The following NECAB1 variants were observed in gnomAD, a reference collection of about 807,000 sequenced individuals.
NECAB1 encodes the protein N-terminal EF-hand calcium binding protein 1.
NECAB1 carries 29 observed loss-of-function variants against 57.5 expected under a neutral mutation model. The observed-to-expected ratio is 0.50, with a 90% CI of 0.38 to 0.69. The LOEUF is 0.69. Ranked by LOEUF, NECAB1 falls within the 30% of genes least tolerant of loss-of-function variation. NECAB1 has a pLI of 0.00. For missense variants in NECAB1, 372 were observed against 413.8 expected (o/e 0.90, Z 0.88); for synonymous variants, 142 against 147.7 (o/e 0.96, Z 0.28).
At chr8:90,885,190 C>A (rs139438909) in intron 5 of NECAB1, among the ~76,000 whole-genome samples, 3 of 152,200 alleles carry the variant, frequency 2.0e-5, no homozygotes, top group Non-Finnish European at 4.4e-5. Context: ...CACACAGTGG[C>A]GTAGATGAGT....
chr8:90,792,902 C>T (rs1811599150), intron 1 of NECAB1, among the ~76,000 whole-genome samples: 1 of 152,134 alleles, frequency 6.6e-6, no homozygotes, highest in Non-Finnish European at 1.5e-5. Flanking sequence ...CAGGCTCTCC[C>T]AGCCCCTCAG....
intron 1 of NECAB1, among the ~76,000 whole-genome samples, chr8:90,796,056 C>T (rs1250202137): frequency 1.3e-5 from 2 of 152,070 alleles, no homozygotes; most frequent in Non-Finnish European, 2.9e-5. Context: ...ATTGTTTTCC[C>T]ACACTGGGCC....
chr8:90,956,045 A>T lies in NECAB1; in HGVS notation c.*533A>T, dbSNP rs1164286600. 1 of 152,176 alleles carries T rather than the reference A, an allele frequency of 6.6e-6. No homozygotes were observed. Among genetic ancestry groups the T allele is most frequent in the Non-Finnish European group, 1.5e-5 (1 of 68,018 alleles). 9.4% of individuals were successfully genotyped at this position (152,176 alleles called of 1,614,324 possible). On this transcript the variant is annotated 3_prime_UTR_variant, in exon 13 of 13. Coordinates refer to ENST00000417640, the MANE Select transcript of NECAB1 (RefSeq NM_022351.5). ...CTATCTTTGCATTAGTTAAAAAGTT[A>T]GTATATAGGCATCAAACAACCTTGG...
At chr8:90,908,135 G>A (rs1227427574) in intron 5 of NECAB1, among the ~76,000 whole-genome samples, 2 of 152,118 alleles carry the variant, frequency 1.3e-5, no homozygotes, top group Non-Finnish European at 2.9e-5. Context: ...GGTTAAAATA[G>A]AACTATCCAT....
At chr8:90,827,872 G>A (rs1438391459) in intron 3 of NECAB1, among the ~76,000 whole-genome samples, 7 of 151,592 alleles carry the variant, frequency 4.6e-5, no homozygotes, top group African/African-American at 1.7e-4. Flanking sequence ...GTAAACTTAT[G>A]GACTTTAAAA....
At chr8:90,943,810 G>A (rs1010763426) in intron 10 of NECAB1, among the ~76,000 whole-genome samples, 1 of 152,180 alleles carries the variant, frequency 6.6e-6, no homozygotes, top group African/African-American at 2.4e-5. Flanking sequence ...GTAGTGCAGT[G>A]GCACAATCAT....
intron 8 of NECAB1, among the ~76,000 whole-genome samples, chr8:90,929,238 T>C (rs956231544): frequency 2.0e-5 from 3 of 152,164 alleles, no homozygotes; most frequent in Admixed American, 6.5e-5. Flanking sequence ...GCTCACCTGA[T>C]GGGTTGATCA....
intron 12 of NECAB1, among the ~76,000 whole-genome samples, chr8:90,952,014 T>C (rs762285619): frequency 1.3e-5 from 2 of 152,118 alleles, no homozygotes; most frequent in African/African-American, 4.8e-5. Context: ...GCATAAAACT[T>C]ACAGTACAAG....
At chr8:90,941,784 C>T (rs1289110635) in intron 10 of NECAB1, among the ~76,000 whole-genome samples, 1 of 152,180 alleles carries the variant, frequency 6.6e-6, no homozygotes, top group Non-Finnish European at 1.5e-5. Flanking sequence ...TATTCTTCCT[C>T]TCAGAAATGT....
chr8:90,821,854 G>A (rs1388474506), intron 2 of NECAB1, among the ~76,000 whole-genome samples: 4 of 151,754 alleles, frequency 2.6e-5, no homozygotes, highest in African/African-American at 9.7e-5. Context: ...TGATGAAAGA[G>A]TGGATAAAGT....
At chr8:90,809,899 G>T (rs1449383571) in intron 2 of NECAB1, among the ~76,000 whole-genome samples, 2 of 152,082 alleles carry the variant, frequency 1.3e-5, no homozygotes, top group Non-Finnish European at 2.9e-5. Flanking sequence ...GACTTTACAA[G>T]AAAATATTAC....
At chr8:90,814,203 G>A (rs1351408534) in intron 2 of NECAB1, among the ~76,000 whole-genome samples, 4 of 152,158 alleles carry the variant, frequency 2.6e-5, no homozygotes, top group African/African-American at 9.7e-5. Flanking sequence ...TTTGTCTGGT[G>A]TTTTTCTCTT....
chr8:90,898,150 C>G (rs1390624245), intron 5 of NECAB1, among the ~76,000 whole-genome samples: 2 of 152,078 alleles, frequency 1.3e-5, no homozygotes, highest in African/African-American at 4.8e-5. Context: ...TGATTACACA[C>G]CTCACTATCA....
intron 2 of NECAB1, chr8:90,812,759 C>G (rs1484212041): frequency 2.0e-5 from 3 of 152,050 alleles, no homozygotes; most frequent in East Asian, 3.9e-4. Context: ...TCATCTGAAT[C>G]ATTTAACCTT....
At chr8:90,941,959 T>G (rs1033667873) in intron 10 of NECAB1, among the ~76,000 whole-genome samples, 4 of 152,138 alleles carry the variant, frequency 2.6e-5, no homozygotes, top group African/African-American at 9.7e-5. Context: ...TTTGGGAAGG[T>G]TTTTAGAAAA....
chr8:90,828,499 C>T (rs1321390450), intron 3 of NECAB1, among the ~76,000 whole-genome samples: 1 of 151,984 alleles, frequency 6.6e-6, no homozygotes, highest in African/African-American at 2.4e-5. Context: ...AATCATCCTA[C>T]TTGTTTGTTG....
intron 4 of NECAB1, 72 bp downstream of exon 4, chr8:90,872,225 A>G (rs1271278935): frequency 2.5e-6 from 3 of 1,214,292 alleles, no homozygotes; most frequent in Middle Eastern, 1.9e-4. Context: ...TCTGATATAT[A>G]TCAACCTTGG....
intron 3 of NECAB1, among the ~76,000 whole-genome samples, chr8:90,857,192 T>A (rs1487830348): frequency 1.3e-5 from 2 of 152,052 alleles, no homozygotes; most frequent in Non-Finnish European, 2.9e-5. Context: ...CCCAAGCAGG[T>A]GACTTGAAGA....
rs555707897 is a variant in NECAB1, at chr8:90,800,949, C to T, written c.100-742C>T. ...ATCATTACTAAAGAGTAATGGATAC[C>T]GGATGGCCAAATAGTTCTTATACAT... is the stretch of plus-strand genomic sequence containing the variant. On this transcript the variant is annotated intron_variant, in intron 1 of 12. Transcript: ENST00000417640. Among the ~76,000 whole-genome samples the T allele has an allele frequency of 2.6e-5, 4 of 152,128 alleles. No individual in the cohort carries two copies. The South Asian group carries it at 6.2e-4, about 24-fold the overall frequency.
Sources: gnomAD v4.1 joint callset for allele counts (sites outside exome capture counted in the v4.1 genomes callset) on GRCh38, gnomAD v4.1.1 for gene constraint, MANE v1.5 for transcripts, NCBI Gene and HGNC (gene_info 2026-07-23, HGNC 2026-07-21) for gene names.